Variants in DOHH observed in about 807,000 individuals in gnomAD.
The protein encoded by DOHH is deoxyhypusine hydroxylase, also known as HEAT-like (PBS lyase) repeat containing 1.
DOHH carries 16 observed loss-of-function variants against 19.9 expected under a neutral mutation model. That is an observed-to-expected ratio of 0.80 (90% confidence interval 0.54 to 1.22). The LOEUF is 1.22. Among genes scored for constraint, DOHH ranks in the 50% most tolerant of loss-of-function variants. The pLI, the probability that DOHH is intolerant of heterozygous loss-of-function variation, is 0.00. For missense variants in DOHH, 460 were observed against 460.6 expected (o/e 1.00, Z 0.01); for synonymous variants, 233 against 217.0 (o/e 1.07, Z -0.65).
chr19:3,491,631 G>A lies in DOHH; in HGVS notation c.770C>T (p.Ala257Val), dbSNP rs925469478. The A allele has an allele frequency of 7.2e-6, 11 of 1,534,952 alleles. No homozygotes were observed. The highest frequency in any genetic ancestry group is 9.6e-6 in the Non-Finnish European group (11 of 1,145,394). Residue 257 changes from alanine (A) to valine (V), a missense_variant, in exon 5 of 5, where the codon GCG (alanine) becomes GTG (valine). Physicochemically the swap from Ala to Val is moderately conservative, Grantham distance 64 (BLOSUM62 0). Transcript: ENST00000427575. The surrounding 1 kb of genome is among the most constrained non-coding windows in gnomAD (Gnocchi z 5.6). ...GAIARPACLA[A>V]LQAHADDPER... The stretch of plus-strand genomic sequence containing the variant: ...TGGGTCGTCCGCGTGAGCCTGCAGC[G>A]CGGCCAGGCAGGCGGGCCGGGCAAT...
At position 3,496,950 on chromosome 19, in the gene DOHH, G is replaced by A; in HGVS notation, c.-72-64C>T. 1 of 1,201,720 alleles carries A rather than the reference G, an allele frequency of 8.3e-7. No homozygotes were observed. The highest frequency in any genetic ancestry group is 1.5e-5 in the African/African-American group (1 of 65,394). The allele number at this position is 1,201,720 out of a possible 1,614,324, so 74.4% of individuals were successfully genotyped here. A position where few individuals can be genotyped will look rare whatever the true frequency, so the allele number is the denominator to read the frequency against. Reference sequence around the variant, plus strand: ...TTCACCAGTGCGTTGTCTGTTCCTAGGACCTGGGTGGGGCAAATTCCTACC... The same window carrying A: ...TTCACCAGTGCGTTGTCTGTTCCTAAGACCTGGGTGGGGCAAATTCCTACC... On this transcript the variant is annotated intron_variant, in intron 1 of 4. Coordinates refer to ENST00000427575, the MANE Select transcript of DOHH (RefSeq NM_001145165.2). This position sits in a 1 kb window ranked among gnomAD's most constrained non-coding sequence, Gnocchi z 4.8.
In DOHH at chr19:3,491,601, C is replaced by T. The variant is rs1360154025; in HGVS notation, c.800G>A (p.Arg267His). Residue 267 changes from arginine (R) to histidine (H), a missense_variant, in exon 5 of 5, where the codon CGC becomes CAC. Transcript: ENST00000427575. The surrounding 1 kb of genome is among the most constrained non-coding windows in gnomAD (Gnocchi z 5.6). ...ALQAHADDPE[R>H]VVRESCEVAL... ...CACCTCGCAGCTCTCACGCACCACGCGCTCTGGGTCGTCCGCGTGAGCCTG... is the reference window on the plus strand; with the variant it reads ...CACCTCGCAGCTCTCACGCACCACGTGCTCTGGGTCGTCCGCGTGAGCCTG... 1.9e-5 allele frequency: 29 copies of T among 1,535,812 alleles called. No homozygotes were observed. The highest frequency in any genetic ancestry group is 2.4e-5 in the South Asian group (2 of 84,060).
Position 3,494,120 on chromosome 19 carries a change from C to A in DOHH, c.275-16G>T. 3 of 1,610,880 alleles carry A rather than the reference C, an allele frequency of 1.9e-6. No individual in the cohort carries two copies. Among genetic ancestry groups the A allele is most frequent in the South Asian group, 1.1e-5 (1 of 90,894 alleles). On this transcript the variant is annotated splice_polypyrimidine_tract_variant and intron_variant, in intron 2 of 4. Coordinates refer to ENST00000427575, the MANE Select transcript of DOHH (RefSeq NM_001145165.2). ...AGGGCCTCCCCTGGGAAGAAGCAGC[C>A]GGAGAGCTCATGTTGGTGGGGTGGA...
chr19:3,493,298 A>G (rs766324234), intron 3 of DOHH, among the ~76,000 whole-genome samples: 42 of 151,020 alleles, frequency 2.8e-4, no homozygotes, highest in Non-Finnish European at 4.3e-4. Flanking sequence ...TAAAGAAAAA[A>G]CTAATAAAAT....
chr19:3,495,338 A>G (rs60966519), intron 2 of DOHH, among the ~76,000 whole-genome samples: 12,307 of 152,008 alleles, frequency 0.081, 1,746 homozygotes, highest in African/African-American at 0.28. Context: ...GTGCAGTGGC[A>G]TGATCATGGC....
At position 3,496,863 on chromosome 19, in the gene DOHH, CTGGGGACG is replaced by C; in HGVS notation, c.-57_-50del. 1 of 1,437,156 alleles carries C rather than the reference CTGGGGACG, an allele frequency of 7.0e-7. No homozygotes were observed. The highest frequency in any genetic ancestry group is 9.2e-7 in the Non-Finnish European group (1 of 1,091,554). The allele number at this position is 1,437,156 out of a possible 1,614,324, so 89.0% of individuals were successfully genotyped here. ...TTCCACAACCCTGCTCAGGCTAAAC[CTGGGGACG>C]CGGGGATGTAAGAACCTGTGGCAGA... On this transcript the variant is annotated 5_prime_UTR_variant, in exon 2 of 5. Transcript: ENST00000427575. This position sits in a 1 kb window ranked among gnomAD's most constrained non-coding sequence, Gnocchi z 4.8.
At chr19:3,497,360 G>T (rs2082916386) in intron 1 of DOHH, among the ~76,000 whole-genome samples, 1 of 152,222 alleles carries the variant, frequency 6.6e-6, no homozygotes, top group African/African-American at 2.4e-5. Flanking sequence ...CTCTCTAGGG[G>T]AAGCCAGTGA....
chr19:3,495,048 C>T (rs544584372), intron 2 of DOHH, among the ~76,000 whole-genome samples: 1 of 152,074 alleles, frequency 6.6e-6, no homozygotes, highest in African/African-American at 2.4e-5. Context: ...TCTCCACTCA[C>T]TGAAAACTCC....
In DOHH at chr19:3,496,886, C is replaced by A; in HGVS notation, c.-72G>T. ...ACCTGGGGACGCGGGGATGTAAGAA[C>A]CTGTGGCAGAAAAATGAGAGCCCAG... On this transcript the variant is annotated splice_region_variant and 5_prime_UTR_variant, in exon 2 of 5. Coordinates refer to ENST00000427575, the MANE Select transcript of DOHH (RefSeq NM_001145165.2). This position sits in a 1 kb window ranked among gnomAD's most constrained non-coding sequence, Gnocchi z 4.8. 7.2e-7 allele frequency: 1 copy of A among 1,393,620 alleles called. No individual in the cohort carries two copies. The highest frequency in any genetic ancestry group is 9.4e-7 in the Non-Finnish European group (1 of 1,068,982). The allele number at this position is 1,393,620 out of a possible 1,614,324, so 86.3% of individuals were successfully genotyped here.
At position 3,496,744 on chromosome 19, in the gene DOHH, C is replaced by G. The variant is rs1206778680; in HGVS notation, c.71G>C (p.Arg24Pro). The change falls in exon 2 of 5, where the codon CGC becomes CCC. Residue 24 changes from arginine (R) to proline (P), a missense_variant. Arg to Pro is a moderately radical substitution (Grantham distance 103, BLOSUM62 -2). Transcript: ENST00000427575. The surrounding 1 kb of genome is among the most constrained non-coding windows in gnomAD (Gnocchi z 4.8). ...ACGCAGCGTGAACAGCGCCCGGAAG[C>G]GGGCCTGCAGGGGCTGCTTGGGGTC... is the stretch of plus-strand genomic sequence containing the variant. ...LVDPKQPLQA[R>P]FRALFTLRGL... The G allele has an allele frequency of 6.2e-7, 1 of 1,611,336 alleles. No homozygotes were observed.
intron 2 of DOHH, among the ~76,000 whole-genome samples, chr19:3,495,543 A>T (rs943129086): frequency 6.6e-6 from 1 of 152,230 alleles, no homozygotes; most frequent in Non-Finnish European, 1.5e-5. Flanking sequence ...TAAATCTAAT[A>T]TACATTAGGG....
chr19:3,494,040 G>T lies in DOHH; in HGVS notation c.339C>A (p.Asp113Glu). ...VLEILKQYSS[D>E]PVIEVAETCQ... The stretch of plus-strand genomic sequence containing the variant: ...GGGGCCTGGTTACCTCGATGACGGG[G>T]TCCGAGGAATACTGCTTCAGGATCT... Residue 113 changes from aspartate to glutamate, a missense_variant, in exon 3 of 5, where the codon GAC becomes GAA. Physicochemically the swap from Asp to Glu is conservative, Grantham distance 45. Coordinates refer to ENST00000427575, the MANE Select transcript of DOHH (RefSeq NM_001145165.2). The T allele has an allele frequency of 6.2e-7, 1 of 1,613,520 alleles. No individual in the cohort carries two copies. The highest frequency in any genetic ancestry group is 8.5e-7 in the Non-Finnish European group (1 of 1,179,654).
chr19:3,497,248 C>T (rs945386913), intron 1 of DOHH, among the ~76,000 whole-genome samples: 1 of 152,230 alleles, frequency 6.6e-6, no homozygotes, highest in Non-Finnish European at 1.5e-5. Context: ...TAGTCCTCTC[C>T]CACTCTGAAC....
At chr19:3,497,921 AC>A (rs2082922242) in intron 1 of DOHH, among the ~76,000 whole-genome samples, 1 of 152,026 alleles carries the variant, frequency 6.6e-6, no homozygotes, top group Non-Finnish European at 1.5e-5. Flanking sequence ...ATCAGCCACT[AC>A]CCCCAGCCAT....
At chr19:3,494,837 A>T (rs1180588174) in intron 2 of DOHH, among the ~76,000 whole-genome samples, 2 of 152,220 alleles carry the variant, frequency 1.3e-5, no homozygotes, top group Non-Finnish European at 2.9e-5. Flanking sequence ...GCGCCAACAC[A>T]GGCTCTGTGT....
rs771915905 is a variant in DOHH at position 3,496,673 on chromosome 19, C to A, written c.142G>T (p.Asp48Tyr). The change falls in exon 2 of 5, where the codon GAT becomes TAT. Residue 48 changes from aspartate to tyrosine, a missense_variant. Asp to Tyr is a radical substitution (Grantham distance 160). Transcript: ENST00000427575. The surrounding 1 kb of genome is among the most constrained non-coding windows in gnomAD (Gnocchi z 4.8). ...GAIAWISQAF[D>Y]DDSALLKHEL... ...TGCTTGAGCAGGGCGGAATCGTCAT[C>A]GAAGGCCTGGCTGATCCATGCAATG... is the stretch of plus-strand genomic sequence containing the variant. 6.2e-7 allele frequency: 1 copy of A among 1,613,816 alleles called. No homozygotes were observed.
rs936529438 is a variant in DOHH at position 3,495,311 on chromosome 19, C to T, written c.275-1207G>A. Among the ~76,000 whole-genome samples the T allele has an allele frequency of 3.3e-5, 5 of 152,130 alleles. No individual in the cohort carries two copies. The East Asian group carries it at 5.8e-4, about 18-fold the overall frequency. ...CATTTTTTTGAGACAGGGTCTCACT[C>T]TGTTGCCCAAGCTGGAGTGCAGTGG... On this transcript the variant is annotated intron_variant, in intron 2 of 4. Transcript: ENST00000427575.
chr19:3,497,336 C>A (rs1033791060), intron 1 of DOHH, among the ~76,000 whole-genome samples: 1 of 152,250 alleles, frequency 6.6e-6, no homozygotes, highest in Non-Finnish European at 1.5e-5. Context: ...GCACAACAGT[C>A]TCATCCTTGT....
Position 3,496,535 on chromosome 19 carries a change from G to A in DOHH, c.274+6C>T, listed in dbSNP as rs375377983. ...GCAGGTGCCCGGGACACAGACAGGT[G>A]CTCACCTGCCTCATGGCGCACCATG... is the stretch of plus-strand genomic sequence containing the variant. On this transcript the variant is annotated splice_donor_region_variant and intron_variant, in intron 2 of 4. Transcript: ENST00000427575. The surrounding 1 kb of genome is among the most constrained non-coding windows in gnomAD (Gnocchi z 4.8). 1.9e-6 allele frequency: 3 copies of A among 1,607,072 alleles called. No homozygotes were observed. The highest frequency in any genetic ancestry group is 2.7e-5 in the African/African-American group (2 of 74,850).
Sources: gnomAD v4.1 joint callset for allele counts (sites outside exome capture counted in the v4.1 genomes callset) on GRCh38, gnomAD v4.1.1 for gene constraint, Gnocchi (gnomAD v3.1) non-coding constraint, MANE v1.5 for transcripts, NCBI Gene and HGNC (gene_info 2026-07-23, HGNC 2026-07-21) for gene names.